GRIA1: variants seen among roughly 807,000 people sequenced by gnomAD.
GRIA1 encodes the protein glutamate ionotropic receptor AMPA type subunit 1.
In GRIA1, 31 loss-of-function variants were observed where a neutral mutation model predicts 99.2. The ratio of observed to expected loss-of-function variants is 0.31; its 90% confidence interval spans 0.23 to 0.42. The LOEUF (loss-of-function observed/expected upper bound fraction) is 0.42. Among genes scored for constraint, GRIA1 ranks in the 10% least tolerant of loss-of-function variants. The pLI is 1.00. For missense variants in GRIA1, 782 were observed against 1,157.5 expected (o/e 0.68, Z 4.71); for synonymous variants, 438 against 432.4 (o/e 1.01, Z -0.16).
At chr5:153,696,864 G>GTGTA (rs1274294065) in intron 8 of GRIA1, among the ~76,000 whole-genome samples, 2 of 71,316 alleles carry the variant, frequency 2.8e-5, no homozygotes, top group East Asian at 1.6e-3. Context: ...GGGTGTGTAT[G>GTGTA]TGTGTGTGTG....
At chr5:153,787,192 A>G (rs2149648089) in intron 13 of GRIA1, among the ~76,000 whole-genome samples, 1 of 152,322 alleles carries the variant, frequency 6.6e-6, no homozygotes, top group African/African-American at 2.4e-5. Context: ...GGCTGGATAT[A>G]TTGGACCTTA....
intron 13 of GRIA1, among the ~76,000 whole-genome samples, chr5:153,793,759 G>T (rs1001953310): frequency 6.6e-6 from 1 of 152,204 alleles, no homozygotes; most frequent in Non-Finnish European, 1.5e-5. Flanking sequence ...GATGTGGCCA[G>T]AAACTCCTGC....
At chr5:153,664,171 G>T (rs1240822182) in intron 5 of GRIA1, among the ~76,000 whole-genome samples, 1 of 152,098 alleles carries the variant, frequency 6.6e-6, no homozygotes, top group Non-Finnish European at 1.5e-5. Context: ...GGAGGGAAAT[G>T]GAGCTCCAGG....
intron 2 of GRIA1, among the ~76,000 whole-genome samples, chr5:153,627,767 C>T (rs1489427484): frequency 6.6e-6 from 1 of 152,148 alleles, no homozygotes. Flanking sequence ...AGCAATTGTT[C>T]AATGACTCTG....
intron 7 of GRIA1, among the ~76,000 whole-genome samples, chr5:153,682,036 CAAA>C (rs11351483): frequency 2.2e-5 from 3 of 133,594 alleles, no homozygotes; most frequent in Non-Finnish European, 3.2e-5. Flanking sequence ...GAGACTATGT[CAAA>C]AAAAAAAAAA....
chr5:153,803,888 T>A (rs906734351), intron 15 of GRIA1, among the ~76,000 whole-genome samples: 1 of 152,176 alleles, frequency 6.6e-6, no homozygotes, highest in Non-Finnish European at 1.5e-5. Context: ...AGAAGATATC[T>A]CTGAACATTT....
intron 2 of GRIA1, among the ~76,000 whole-genome samples, chr5:153,522,371 A>C (rs550895915): frequency 2.2e-4 from 33 of 152,312 alleles, no homozygotes; most frequent in African/African-American, 7.9e-4. Context: ...CCATTTTGAA[A>C]ATGAAGTCAA....
intron 2 of GRIA1, among the ~76,000 whole-genome samples, chr5:153,641,075 T>G (rs1004361143): frequency 1.3e-5 from 2 of 152,128 alleles, no homozygotes; most frequent in African/African-American, 4.8e-5. Context: ...AGTAAGATGA[T>G]GAAGAATGTG....
chr5:153,666,689 G>T (rs1755768679), intron 5 of GRIA1, among the ~76,000 whole-genome samples: 1 of 152,122 alleles, frequency 6.6e-6, no homozygotes, highest in Admixed American at 6.5e-5. Flanking sequence ...TTTGCTAATG[G>T]GAATGATAAT....
intron 5 of GRIA1, among the ~76,000 whole-genome samples, chr5:153,670,100 C>A (rs981027127): frequency 3.9e-5 from 6 of 152,208 alleles, no homozygotes; most frequent in African/African-American, 1.2e-4. Flanking sequence ...CCCTCAGAAC[C>A]ACTTTCTGAG....
At chr5:153,775,532 A>C (rs1243931187) in intron 13 of GRIA1, among the ~76,000 whole-genome samples, 1 of 152,154 alleles carries the variant, frequency 6.6e-6, no homozygotes, top group Non-Finnish European at 1.5e-5. Flanking sequence ...GGTAATGGGC[A>C]CCCAGGAAGG....
intron 11 of GRIA1, among the ~76,000 whole-genome samples, chr5:153,731,332 G>T (rs971993408): frequency 2.7e-5 from 4 of 150,760 alleles, no homozygotes; most frequent in African/African-American, 9.8e-5. Context: ...TCACCTCTCT[G>T]TCCTTTTGCC....
intron 11 of GRIA1, among the ~76,000 whole-genome samples, chr5:153,748,250 A>G (rs1404527678): frequency 2.0e-5 from 3 of 152,216 alleles, no homozygotes; most frequent in Non-Finnish European, 4.4e-5. Flanking sequence ...GCATATGAAG[A>G]GGTGACATTT....
At chr5:153,783,082 G>A (rs1481390523) in intron 13 of GRIA1, among the ~76,000 whole-genome samples, 1 of 152,156 alleles carries the variant, frequency 6.6e-6, no homozygotes, top group Non-Finnish European at 1.5e-5. Context: ...GCCATTCTCT[G>A]TCACTGAAGG....
intron 14 of GRIA1, among the ~76,000 whole-genome samples, chr5:153,796,955 C>T (rs1020415109): frequency 1.3e-5 from 2 of 152,208 alleles, no homozygotes; most frequent in Non-Finnish European, 2.9e-5. Context: ...CTGCCCTCCT[C>T]ACAGGTAAAG....
chr5:153,746,683 A>C (rs1483681983), intron 11 of GRIA1, among the ~76,000 whole-genome samples: 1 of 152,234 alleles, frequency 6.6e-6, no homozygotes, highest in African/African-American at 2.4e-5. Context: ...CTCTGGATGC[A>C]GAGAAACCAT....
intron 2 of GRIA1, among the ~76,000 whole-genome samples, chr5:153,572,755 G>A (rs1388896844): frequency 2.0e-5 from 3 of 152,184 alleles, no homozygotes; most frequent in African/African-American, 4.8e-5. Context: ...ACGCGGTGAA[G>A]GTGAGAGAAT....
intron 2 of GRIA1, among the ~76,000 whole-genome samples, chr5:153,594,891 A>G (rs1414636346): frequency 1.3e-5 from 2 of 151,934 alleles, no homozygotes; most frequent in Non-Finnish European, 2.9e-5. Context: ...GTTTTACCCC[A>G]TCCCATACCT....
At chr5:153,762,156 T>C (rs1763228877) in intron 11 of GRIA1, among the ~76,000 whole-genome samples, 2 of 152,228 alleles carry the variant, frequency 1.3e-5, no homozygotes, top group South Asian at 4.1e-4. Flanking sequence ...AGCTCAAAGA[T>C]AATATTTTGA....
Sources: allele counts gnomAD v4.1 joint callset (sites outside exome capture counted in the v4.1 genomes callset), GRCh38; gene constraint gnomAD v4.1.1; transcripts MANE v1.5; gene names NCBI Gene and HGNC (gene_info 2026-07-23, HGNC 2026-07-21).